The following GLI2 variants were observed in gnomAD, a reference collection of about 807,000 sequenced individuals.
GLI2 encodes the protein transcription activator GLI2.
GLI2 carries 22 observed loss-of-function variants against 78.9 expected under a neutral mutation model. The observed-to-expected ratio is 0.28, with a 90% confidence interval of 0.20 to 0.40. GLI2 has a LOEUF of 0.40. Among genes scored for constraint, GLI2 ranks in the 10% least tolerant of loss-of-function variants. The pLI is 1.00. For missense variants in GLI2, 2,097 were observed against 2,213.2 expected (o/e 0.95, Z 1.05); for synonymous variants, 974 against 963.7 (o/e 1.01, Z -0.20).
At chr2:120,769,855 G>A (rs1683473917) in intron 1 of GLI2, among the ~76,000 whole-genome samples, 1 of 152,114 alleles carries the variant, frequency 6.6e-6, no homozygotes, top group East Asian at 1.9e-4. Flanking sequence ...CTTTAAGTGT[G>A]TGGAAGTTTG....
chr2:120,943,210 C>T lies in GLI2; in HGVS notation c.255-8033C>T, dbSNP rs185775702. 5.3e-3 allele frequency among the ~76,000 whole-genome samples: 803 copies of T among 152,246 alleles called. 8 individuals are homozygous for T. Among genetic ancestry groups the T allele is most frequent in the African/African-American group, 0.019 (776 of 41,528 alleles). On this transcript the variant is annotated intron_variant, in intron 3 of 13. Transcript: ENST00000361492. ...ACCGTAGGAGGATCCTGACCTTGAC[C>T]TGGGGCTAGGGGGCACCTTGGGTGA...
At chr2:120,905,774 C>T (rs1678494904) in intron 2 of GLI2, among the ~76,000 whole-genome samples, 1 of 152,174 alleles carries the variant, frequency 6.6e-6, no homozygotes, top group African/African-American at 2.4e-5. Context: ...CATCAGGACC[C>T]AATATAGTGC....
chr2:120,990,336 A>G lies in GLI2; in HGVS notation c.4371A>G (p.Pro1457=), dbSNP rs935240615. The stretch of plus-strand genomic sequence containing the variant: ...GCCAGGTCATGCGGTCCCAGCCACC[A>G]CAGCCACAGGCCTGTCAGGACAGCA... ...GSCQVMRSQP[P]QPQACQDSIQ... The change falls in exon 14 of 14, where the codon CCA becomes CCG. Residue 1457 remains proline (P), a synonymous_variant. Coordinates refer to ENST00000361492, the MANE Select transcript of GLI2 (RefSeq NM_001374353.1). 6.2e-7 allele frequency: 1 copy of G among 1,613,612 alleles called. No individual in the cohort carries two copies. Among genetic ancestry groups the G allele is most frequent in the African/African-American group, 1.3e-5 (1 of 74,930 alleles).
intron 3 of GLI2, among the ~76,000 whole-genome samples, chr2:120,929,559 A>G (rs1331893196): frequency 6.6e-6 from 1 of 152,212 alleles, no homozygotes; most frequent in Non-Finnish European, 1.5e-5. Flanking sequence ...GTCTATTGTT[A>G]TGCACATGGA....
intron 1 of GLI2, among the ~76,000 whole-genome samples, chr2:120,777,563 T>C (rs10181299): frequency 6.7e-6 from 1 of 149,532 alleles, no homozygotes; most frequent in African/African-American, 2.5e-5. Context: ...AGGAAAGCTT[T>C]GGGGGGTCTC....
chr2:120,894,919 G>C (rs935029035), intron 2 of GLI2, among the ~76,000 whole-genome samples: 1 of 152,168 alleles, frequency 6.6e-6, no homozygotes, highest in African/African-American at 2.4e-5. Flanking sequence ...GGCTTGTCTT[G>C]AACTCCTGAC....
rs962307115 is a variant in GLI2 at position 120,975,907 on chromosome 2, G to A, written c.1317+798G>A. On this transcript the variant is annotated intron_variant, in intron 9 of 13. Coordinates refer to ENST00000361492, the MANE Select transcript of GLI2 (RefSeq NM_001374353.1). Reference sequence around the variant, plus strand: ...TGAGCTTCATTTGTTTCCTATAAAGGGGGTTGATGCTACCCCACAGGAGGG... The same window carrying A: ...TGAGCTTCATTTGTTTCCTATAAAGAGGGTTGATGCTACCCCACAGGAGGG... Among the ~76,000 whole-genome samples, 4 of 152,250 alleles carry A rather than the reference G, an allele frequency of 2.6e-5. No individual in the cohort carries two copies. The South Asian group carries it at 8.3e-4, about 32-fold the overall frequency.
chr2:120,770,582 C>T (rs1683493776), intron 1 of GLI2, among the ~76,000 whole-genome samples: 1 of 152,198 alleles, frequency 6.6e-6, no homozygotes, highest in Admixed American at 6.5e-5. Flanking sequence ...CTGCCTGCTT[C>T]CTGACAGCCA....
intron 1 of GLI2, among the ~76,000 whole-genome samples, chr2:120,783,557 A>C (rs1459880903): frequency 6.6e-6 from 1 of 151,748 alleles, no homozygotes; most frequent in Non-Finnish European, 1.5e-5. Context: ...GAGAGGGGGA[A>C]GAGCAAGCAG....
chr2:120,786,675 A>C (rs1222014509), intron 1 of GLI2, among the ~76,000 whole-genome samples: 2 of 152,208 alleles, frequency 1.3e-5, no homozygotes, highest in East Asian at 3.9e-4. Context: ...TTTACAATGT[A>C]AGGGAAGGAA....
At chr2:120,851,026 A>G (rs1310705682) in intron 2 of GLI2, among the ~76,000 whole-genome samples, 2 of 152,244 alleles carry the variant, frequency 1.3e-5, no homozygotes, top group Admixed American at 6.5e-5. Flanking sequence ...GCCTTTCATT[A>G]TAAGCCCTTT....
chr2:120,990,270 C>T lies in GLI2; in HGVS notation c.4305C>T (p.His1435=), dbSNP rs769362375. Reference sequence around the variant, plus strand: ...TGCTCTACTACTACGGCCAGATCCACATGTACGAACAGGATGGAGGCCTGG... The same window carrying T: ...TGCTCTACTACTACGGCCAGATCCATATGTACGAACAGGATGGAGGCCTGG... The part of the protein sequence containing the change: ...HSMLYYYGQI[H]MYEQDGGLEN... The change falls in exon 14 of 14, where the codon CAC becomes CAT. Residue 1435 remains histidine (H), a synonymous_variant. Coordinates refer to ENST00000361492, the MANE Select transcript of GLI2 (RefSeq NM_001374353.1). The T allele has an allele frequency of 6.2e-7, 1 of 1,613,758 alleles. No individual in the cohort carries two copies. The highest frequency in any genetic ancestry group is 8.5e-7 in the Non-Finnish European group (1 of 1,180,022).
chr2:120,894,856 G>T (rs532230260), intron 2 of GLI2, among the ~76,000 whole-genome samples: 10 of 152,158 alleles, frequency 6.6e-5, no homozygotes, highest in Non-Finnish European at 1.3e-4. Context: ...CTGCCACCAA[G>T]CCTGGCTAAT....
At chr2:120,750,151 G>T (rs553092284) in intron 1 of GLI2, among the ~76,000 whole-genome samples, 14 of 152,362 alleles carry the variant, frequency 9.2e-5, no homozygotes, top group African/African-American at 3.4e-4. Context: ...TCGTGTCCCT[G>T]TCGTGAGCCT....
intron 10 of GLI2, among the ~76,000 whole-genome samples, chr2:120,981,399 C>T (rs1379797274): frequency 6.6e-6 from 1 of 152,146 alleles, no homozygotes; most frequent in Admixed American, 6.5e-5. Context: ...ATGTCAGTAC[C>T]ACATGCAGTC....
chr2:120,946,203 CTT>C, intron 3 of GLI2, among the ~76,000 whole-genome samples: 1 of 152,292 alleles, frequency 6.6e-6, no homozygotes, highest in South Asian at 2.1e-4. Context: ...GGGTCTGCCT[CTT>C]TCCCCCTGGG....
In GLI2 at chr2:120,990,824, A is replaced by T. The variant is rs1343726385; in HGVS notation, c.*149A>T. 1 of 630,910 alleles carries T rather than the reference A, an allele frequency of 1.6e-6. No individual in the cohort carries two copies. Among genetic ancestry groups the T allele is most frequent in the African/African-American group, 1.8e-5 (1 of 54,524 alleles). The allele number at this position is 630,910 out of a possible 1,614,324, so 39.1% of individuals were successfully genotyped here. On this transcript the variant is annotated 3_prime_UTR_variant, in exon 14 of 14. Coordinates refer to ENST00000361492, the MANE Select transcript of GLI2 (RefSeq NM_001374353.1). ...GGCCGCTTCAGATGACAGATGTTGT[A>T]AGAGAAGGTTTATGGGCATCCTCTC...
intron 2 of GLI2, among the ~76,000 whole-genome samples, chr2:120,849,419 G>A (rs1231487090): frequency 6.6e-6 from 1 of 152,082 alleles, no homozygotes; most frequent in African/African-American, 2.4e-5. Flanking sequence ...TAGAATCCAG[G>A]TGTTTATCTT....
intron 2 of GLI2, among the ~76,000 whole-genome samples, chr2:120,869,868 C>G (rs1308190182): frequency 1.3e-5 from 2 of 152,038 alleles, no homozygotes; most frequent in African/African-American, 4.8e-5. Context: ...GGGGGCCCTG[C>G]AGGGGGACCT....
Sources: allele counts gnomAD v4.1 joint callset (sites outside exome capture counted in the v4.1 genomes callset), GRCh38; gene constraint gnomAD v4.1.1; transcripts MANE v1.5; gene names NCBI Gene and HGNC (gene_info 2026-07-23, HGNC 2026-07-21).